Variants in MCC observed in about 807,000 individuals in gnomAD.
The protein encoded by MCC is MCC regulator of Wnt signaling pathway, also known as colorectal mutant cancer protein.
Under a neutral mutation model 116.2 loss-of-function variants are expected in MCC, and 90 were observed. That is an observed-to-expected ratio of 0.77 (90% CI 0.65 to 0.92). MCC has a LOEUF of 0.92. MCC is among the 40% of genes least tolerant of loss of function. The pLI is 0.00. For synonymous variants in MCC, 578 were observed against 510.5 expected (o/e 1.13, Z -1.78); for missense variants, 1,516 against 1,312.2 (o/e 1.16, Z -2.40).
chr5:113,311,572 A>C (rs1767135124), intron 3 of MCC, among the ~76,000 whole-genome samples: 1 of 152,196 alleles, frequency 6.6e-6, no homozygotes, highest in Non-Finnish European at 1.5e-5. Context: ...GACCCCAAAT[A>C]CATGAGCAAT....
chr5:113,329,143 C>G (rs1767634730), intron 3 of MCC, among the ~76,000 whole-genome samples: 1 of 152,146 alleles, frequency 6.6e-6, no homozygotes, highest in South Asian at 2.1e-4. Context: ...GAGGATTAAG[C>G]AAGATAATCT....
intron 1 of MCC, among the ~76,000 whole-genome samples, chr5:113,415,243 TC>T (rs1770109394): frequency 6.6e-6 from 1 of 152,182 alleles, no homozygotes; most frequent in Non-Finnish European, 1.5e-5. Context: ...CAATTATGTG[TC>T]TTGGGGTTGC....
rs77348164 is a variant in MCC at position 113,218,608 on chromosome 5, T to C, written c.628-67186A>G. On this transcript the variant is annotated intron_variant, in intron 3 of 18. Coordinates refer to ENST00000408903, the MANE Select transcript of MCC (RefSeq NM_001085377.2). ...CAAAGTACGGGTGTATTTCAATTTA[T>C]GCGAGTTAAAAAATGTTAAACAAGA... Among the ~76,000 whole-genome samples, 611 of 152,330 alleles carry C rather than the reference T, an allele frequency of 4.0e-3. 5 individuals are homozygous for C. The highest frequency in any genetic ancestry group is 0.014 in the African/African-American group (594 of 41,580).
rs1427134862 is a variant in MCC, at chr5:113,353,112, C to T, written c.416-12382G>A. Among the ~76,000 whole-genome samples, 4 of 152,242 alleles carry T rather than the reference C, an allele frequency of 2.6e-5. No homozygotes were observed. In the East Asian group the frequency reaches 5.8e-4, roughly 22 times the overall value. ...TTCCAGCCAGGCTGACCTTCTGTATCTTCTGACATGATGGGTGCTTTCAAG... is the reference window on the plus strand; with the variant it reads ...TTCCAGCCAGGCTGACCTTCTGTATTTTCTGACATGATGGGTGCTTTCAAG... On this transcript the variant is annotated intron_variant, in intron 2 of 18. Transcript: ENST00000408903.
At chr5:113,420,785 G>A (rs972813659) in intron 1 of MCC, among the ~76,000 whole-genome samples, 2 of 152,078 alleles carry the variant, frequency 1.3e-5, no homozygotes, top group Non-Finnish European at 2.9e-5. Flanking sequence ...CAGGGAGGAC[G>A]GCAGCACAAC....
At chr5:113,280,585 G>A (rs981006391) in intron 3 of MCC, among the ~76,000 whole-genome samples, 1 of 152,130 alleles carries the variant, frequency 6.6e-6, no homozygotes, top group African/African-American at 2.4e-5. Flanking sequence ...CAGGAGTTGA[G>A]AAAGGCCTTC....
chr5:113,262,039 CA>C (rs897046634), intron 3 of MCC, among the ~76,000 whole-genome samples: 119 of 151,866 alleles, frequency 7.8e-4, no homozygotes, highest in African/African-American at 2.8e-3. Context: ...CTCACCAATT[CA>C]AAAAAAGATA....
intron 17 of MCC, among the ~76,000 whole-genome samples, chr5:113,030,826 AAC>A (rs1314610086): frequency 3.3e-5 from 5 of 152,244 alleles, no homozygotes; most frequent in Non-Finnish European, 1.5e-5. Flanking sequence ...TAGAAGGTGA[AAC>A]ACAAACTCAA....
intron 2 of MCC, among the ~76,000 whole-genome samples, chr5:113,357,770 C>T (rs1768450271): frequency 6.6e-6 from 1 of 152,128 alleles, no homozygotes; most frequent in Admixed American, 6.6e-5. Flanking sequence ...ATGCTTGCAG[C>T]CCCTCCCAAG....
At chr5:113,050,045 T>TGA (rs1752383898) in intron 15 of MCC, among the ~76,000 whole-genome samples, 1 of 152,240 alleles carries the variant, frequency 6.6e-6, no homozygotes, top group Non-Finnish European at 1.5e-5. Flanking sequence ...TAGCCTTTAC[T>TGA]GAGCACGTGG....
At chr5:113,133,705 G>T (rs994266235) in intron 5 of MCC, among the ~76,000 whole-genome samples, 2 of 152,150 alleles carry the variant, frequency 1.3e-5, no homozygotes, top group Non-Finnish European at 2.9e-5. Context: ...TTTTCATACT[G>T]TCTTACATAG....
intron 8 of MCC, among the ~76,000 whole-genome samples, chr5:113,098,933 T>A (rs529478721): frequency 6.6e-6 from 1 of 152,238 alleles, no homozygotes; most frequent in African/African-American, 2.4e-5. Flanking sequence ...AAAAATAAAA[T>A]GGTACCTCAG....
At chr5:113,345,317 G>T (rs1040551872) in intron 2 of MCC, among the ~76,000 whole-genome samples, 5 of 152,112 alleles carry the variant, frequency 3.3e-5, no homozygotes, top group African/African-American at 1.2e-4. Flanking sequence ...TTTCTGACCT[G>T]CCCAGAGCCT....
chr5:113,206,924 G>A (rs1447885655), intron 3 of MCC, among the ~76,000 whole-genome samples: 1 of 152,122 alleles, frequency 6.6e-6, no homozygotes, highest in Non-Finnish European at 1.5e-5. Context: ...AATTTTGGTG[G>A]TATTACAGAG....
chr5:113,486,463 T>A lies in MCC; in HGVS notation c.170+1782A>T, dbSNP rs1231255187. On this transcript the variant is annotated intron_variant, in intron 1 of 18. Coordinates refer to ENST00000408903, the MANE Select transcript of MCC (RefSeq NM_001085377.2). ...ATTTATATAGAAAGTGTAGTTCAGA[T>A]AAAGCAATATATTAATAGGCCAAAT... Among the ~76,000 whole-genome samples the A allele has an allele frequency of 7.2e-5, 11 of 152,208 alleles. No homozygotes were observed. In the East Asian group the frequency reaches 2.1e-3, roughly 29 times the overall value.
At chr5:113,177,951 A>C (rs12658162) in intron 3 of MCC, among the ~76,000 whole-genome samples, 34,456 of 152,138 alleles carry the variant, frequency 0.23, 4,092 homozygotes, top group African/African-American at 0.28. Flanking sequence ...ATTACGAAAG[A>C]ATTTTTTCTC....
chr5:113,340,066 T>C (rs1230688771), intron 3 of MCC, among the ~76,000 whole-genome samples: 1 of 152,252 alleles, frequency 6.6e-6, no homozygotes, highest in Non-Finnish European at 1.5e-5. Flanking sequence ...GCCTTCTAAG[T>C]TGTCCCACAG....
chr5:113,328,732 T>C (rs1342262197), intron 3 of MCC, among the ~76,000 whole-genome samples: 2 of 152,128 alleles, frequency 1.3e-5, no homozygotes, highest in Non-Finnish European at 2.9e-5. Context: ...CCAGTGACAA[T>C]ATCTCATACA....
intron 2 of MCC, among the ~76,000 whole-genome samples, chr5:113,373,906 TG>T (rs946790848): frequency 7.4e-6 from 1 of 135,980 alleles, no homozygotes; most frequent in African/African-American, 2.7e-5. Flanking sequence ...TTTTTGTTTT[TG>T]TTTTTTTTTT....
Sources: allele counts gnomAD v4.1 joint callset (sites outside exome capture counted in the v4.1 genomes callset), GRCh38; gene constraint gnomAD v4.1.1; transcripts MANE v1.5; gene names NCBI Gene and HGNC (gene_info 2026-07-23, HGNC 2026-07-21).